PEX14: variants seen among roughly 807,000 people sequenced by gnomAD.
PEX14 encodes peroxisomal biogenesis factor 14, also known as peroxisomal membrane protein PEX14.
A neutral mutation model predicts 49.5 loss-of-function variants in PEX14; 15 were observed. That is an observed-to-expected ratio of 0.30 (90% CI 0.20 to 0.47). The LOEUF (loss-of-function observed/expected upper bound fraction) is 0.47, where lower values mean the gene tolerates loss of function less well. Among genes scored for constraint, PEX14 ranks in the 20% least tolerant of loss-of-function variants. The probability of loss-of-function intolerance (pLI) is 1.00; values close to 1 mark genes in which losing one functional copy is unlikely to be tolerated. For missense variants in PEX14, 398 were observed against 494.8 expected (o/e 0.80, Z 1.86); for synonymous variants, 210 against 212.7 (o/e 0.99, Z 0.11).
intron 2 of PEX14, among the ~76,000 whole-genome samples, chr1:10,518,952 G>T (rs1018863448): frequency 6.6e-6 from 1 of 152,106 alleles, no homozygotes; most frequent in African/African-American, 2.4e-5. Flanking sequence ...GTGAGGGAGT[G>T]TGTTTCTTGC....
rs561432886 is a variant in PEX14 at position 10,585,672 on chromosome 1, C to G, written c.170-13566C>G. 2.0e-5 allele frequency among the ~76,000 whole-genome samples: 3 copies of G among 152,362 alleles called. No homozygotes were observed. In the East Asian group the frequency reaches 5.8e-4, roughly 29 times the overall value. On this transcript the variant is annotated intron_variant, in intron 3 of 8. Coordinates refer to ENST00000356607, the MANE Select transcript of PEX14 (RefSeq NM_004565.3). The stretch of plus-strand genomic sequence containing the variant: ...TGGTGGCTCACACCTATAATCCCAG[C>G]ACTTCGGGAGGCCGAGGTGAGCAGA...
chr1:10,476,574 C>T (rs1183754725), intron 1 of PEX14, among the ~76,000 whole-genome samples: 1 of 152,092 alleles, frequency 6.6e-6, no homozygotes, highest in Non-Finnish European at 1.5e-5. Context: ...AATCTCGGCT[C>T]ACTGCCTCCC....
intron 2 of PEX14, among the ~76,000 whole-genome samples, chr1:10,504,472 C>T (rs985907121): frequency 1.3e-5 from 2 of 152,198 alleles, no homozygotes; most frequent in Admixed American, 6.5e-5. Context: ...CTTTTGTGAC[C>T]TCTTGCCTTC....
At chr1:10,620,727 G>A (rs922146072) in intron 5 of PEX14, among the ~76,000 whole-genome samples, 1 of 152,194 alleles carries the variant, frequency 6.6e-6, no homozygotes, top group Non-Finnish European at 1.5e-5. Context: ...GGCATAGGTT[G>A]CAGTGAGCCT....
At chr1:10,601,354 T>C (rs952914316) in intron 4 of PEX14, among the ~76,000 whole-genome samples, 21 of 151,872 alleles carry the variant, frequency 1.4e-4, no homozygotes, top group Non-Finnish European at 2.8e-4. Context: ...CAGCACCTGG[T>C]CTGAAGCTGC....
intron 4 of PEX14, chr1:10,616,861 A>G (rs1315575609): frequency 6.6e-6 from 1 of 152,164 alleles, no homozygotes; most frequent in Non-Finnish European, 1.5e-5. Flanking sequence ...GCTCGCCTGT[A>G]GTCCATCTGC....
At chr1:10,581,391 G>A (rs1025470853) in intron 3 of PEX14, among the ~76,000 whole-genome samples, 6 of 146,474 alleles carry the variant, frequency 4.1e-5, no homozygotes, top group African/African-American at 1.5e-4. Context: ...ACTGCAACCT[G>A]TGTCTCCTGG....
chr1:10,539,553 A>G lies in PEX14; in HGVS notation c.169+3256A>G, dbSNP rs1023020658. On this transcript the variant is annotated intron_variant, in intron 3 of 8. Transcript: ENST00000356607. The surrounding 1 kb of genome is among the most constrained non-coding windows in gnomAD (Gnocchi z 4.6). The stretch of plus-strand genomic sequence containing the variant: ...CAACTGCGGAGTCAGCCACACATCA[A>G]GATAATTGGACTGTGTGTGGGGTTT... Among the ~76,000 whole-genome samples, 5 of 146,992 alleles carry G rather than the reference A, an allele frequency of 3.4e-5. No individual in the cohort carries two copies. Among genetic ancestry groups the G allele is most frequent in the East Asian group, 4.0e-4 (2 of 5,006 alleles).
At chr1:10,517,654 CT>C (rs57222349) in intron 2 of PEX14, among the ~76,000 whole-genome samples, 45 of 136,700 alleles carry the variant, frequency 3.3e-4, no homozygotes, top group African/African-American at 2.8e-4. Flanking sequence ...CCATTTTGTT[CT>C]TTTTTTTTTT....
chr1:10,619,959 C>CA (rs769029909), intron 5 of PEX14, among the ~76,000 whole-genome samples: 1 of 151,844 alleles, frequency 6.6e-6, no homozygotes, highest in Non-Finnish European at 1.5e-5. Context: ...ACTAAAAATA[C>CA]AAAAAATTAG....
intron 1 of PEX14, among the ~76,000 whole-genome samples, chr1:10,480,873 T>A (rs566950839): frequency 0.017 from 2,439 of 143,898 alleles, 63 homozygotes; most frequent in African/African-American, 0.068. Context: ...ATATATATTT[T>A]TTTTTTTGGA....
At chr1:10,537,436 T>C (rs1003023048) in intron 3 of PEX14, among the ~76,000 whole-genome samples, 1 of 145,832 alleles carries the variant, frequency 6.9e-6, no homozygotes, top group Admixed American at 7.4e-5. Context: ...AAAGAGTTTT[T>C]CCTTGAAATA....
At chr1:10,586,329 T>C (rs188727076) in intron 3 of PEX14, among the ~76,000 whole-genome samples, 1,558 of 152,288 alleles carry the variant, frequency 0.01, 11 homozygotes, top group Non-Finnish European at 0.018. Flanking sequence ...TGCTGCTGGG[T>C]GTGGGACAGC....
intron 2 of PEX14, among the ~76,000 whole-genome samples, chr1:10,534,183 A>G (rs865865352): frequency 2.6e-5 from 4 of 152,268 alleles, no homozygotes; most frequent in Middle Eastern, 6.3e-3. Context: ...AGACTACCGC[A>G]TGATACGAGT....
At chr1:10,618,168 C>T (rs1050742845) in intron 4 of PEX14, among the ~76,000 whole-genome samples, 164 bp from the exon 5 acceptor site, 13 of 152,292 alleles carry the variant, frequency 8.5e-5, no homozygotes, top group South Asian at 2.1e-4. Flanking sequence ...GGGGTGGAGC[C>T]GGCTGCTGTT....
chr1:10,590,234 C>T (rs980481508), intron 3 of PEX14, among the ~76,000 whole-genome samples: 8 of 152,180 alleles, frequency 5.3e-5, no homozygotes, highest in Non-Finnish European at 1.0e-4. Flanking sequence ...CAAACAAAAC[C>T]GTGAGCCTGC....
chr1:10,572,012 T>C (rs1171077614), intron 3 of PEX14, among the ~76,000 whole-genome samples: 1 of 152,128 alleles, frequency 6.6e-6, no homozygotes, highest in African/African-American at 2.4e-5. Flanking sequence ...GCTTCCAGTT[T>C]ATGTAGTACA....
intron 3 of PEX14, among the ~76,000 whole-genome samples, chr1:10,553,525 A>C (rs970131888): frequency 6.6e-6 from 1 of 152,276 alleles, no homozygotes; most frequent in African/African-American, 2.4e-5. Flanking sequence ...AAGTGGTTTC[A>C]CTGAAATTTG....
At chr1:10,544,551 AC>A (rs980753014) in intron 3 of PEX14, among the ~76,000 whole-genome samples, 16 of 152,074 alleles carry the variant, frequency 1.1e-4, no homozygotes, top group African/African-American at 3.6e-4. Flanking sequence ...CATACAGTAA[AC>A]TACACATATT....
Sources: allele counts gnomAD v4.1 joint callset (sites outside exome capture counted in the v4.1 genomes callset), GRCh38; gene constraint gnomAD v4.1.1; non-coding constraint Gnocchi (gnomAD v3.1); transcripts MANE v1.5; gene names NCBI Gene and HGNC (gene_info 2026-07-23, HGNC 2026-07-21).